The following SOX6 variants were observed in gnomAD, a reference collection of about 807,000 sequenced individuals.
SOX6 encodes SRY-box transcription factor 6, also known as transcription factor SOX-6.
A neutral mutation model predicts 97.8 loss-of-function variants in SOX6; 11 were observed. That is an observed-to-expected ratio of 0.11 (90% confidence interval 0.07 to 0.19). The LOEUF (loss-of-function observed/expected upper bound fraction) is 0.19. Among genes scored for constraint, SOX6 ranks in the 10% least tolerant of loss-of-function variants. The probability of loss-of-function intolerance (pLI) is 1.00; values close to 1 mark genes in which losing one functional copy is unlikely to be tolerated. For synonymous variants in SOX6, 360 were observed against 371.4 expected (o/e 0.97, Z 0.35); for missense variants, 810 against 1,039.5 (o/e 0.78, Z 3.04).
At chr11:15,983,632 A>G (rs1003418390) in intron 15 of SOX6, among the ~76,000 whole-genome samples, 1 of 152,092 alleles carries the variant, frequency 6.6e-6, no homozygotes, top group African/African-American at 2.4e-5. Flanking sequence ...ATCAACTACA[A>G]CTACTTAAAA....
chr11:16,527,771 A>G (rs766893745), intron 4 of SOX6, among the ~76,000 whole-genome samples: 85 of 152,234 alleles, frequency 5.6e-4, no homozygotes, highest in Admixed American at 1.3e-3. Flanking sequence ...CTGAAATGAC[A>G]TACAGAGAAA....
intron 4 of SOX6, among the ~76,000 whole-genome samples, chr11:16,499,786 A>G (rs187261978): frequency 6.6e-6 from 1 of 152,216 alleles, no homozygotes; most frequent in Non-Finnish European, 1.5e-5. Context: ...TGAATAGACC[A>G]ATAACAGGCT....
In SOX6 at chr11:16,278,712, C is replaced by T. The variant is rs1356670357; in HGVS notation, c.445+39734G>A. Among the ~76,000 whole-genome samples the T allele has an allele frequency of 4.0e-5, 6 of 151,834 alleles. No individual in the cohort carries two copies. In the East Asian group the frequency reaches 1.2e-3, roughly 29 times the overall value. On this transcript the variant is annotated intron_variant, in intron 3 of 15. Coordinates refer to ENST00000683767, the MANE Select transcript of SOX6 (RefSeq NM_001367873.1). ...AAATAATGTATTTTATCAACTTGAA[C>T]ATGGATGAAGAGAAAACCTACAGGT...
intron 13 of SOX6, among the ~76,000 whole-genome samples, 199 bp downstream of exon 13, chr11:16,014,743 A>G (rs1854830578): frequency 6.6e-6 from 1 of 152,072 alleles, no homozygotes; most frequent in Non-Finnish European, 1.5e-5. Context: ...TGTAAGATCT[A>G]ACTGCTTCTT....
At chr11:16,383,930 C>T (rs1857901691) in intron 1 of SOX6, among the ~76,000 whole-genome samples, 1 of 151,740 alleles carries the variant, frequency 6.6e-6, no homozygotes, top group Admixed American at 6.6e-5. Flanking sequence ...AATGCAGACA[C>T]AAGAACTCAA....
intron 3 of SOX6, among the ~76,000 whole-genome samples, chr11:16,260,284 G>A (rs1466554375): frequency 6.6e-6 from 1 of 152,156 alleles, no homozygotes. Context: ...ACAGGCGTGA[G>A]CCACTGTGCC....
chr11:16,309,423 G>C (rs1444799581), intron 3 of SOX6, among the ~76,000 whole-genome samples: 1 of 152,176 alleles, frequency 6.6e-6, no homozygotes, highest in Non-Finnish European at 1.5e-5. Context: ...AGAGGTTACA[G>C]TATGACATCA....
chr11:16,497,694 A>G (rs756443853), intron 4 of SOX6, among the ~76,000 whole-genome samples: 5 of 152,106 alleles, frequency 3.3e-5, no homozygotes, highest in Non-Finnish European at 5.9e-5. Flanking sequence ...AGCCGATTTG[A>G]TCAACTGGAA....
intron 1 of SOX6, among the ~76,000 whole-genome samples, chr11:16,445,521 A>C (rs1022083489): frequency 6.6e-6 from 1 of 152,080 alleles, no homozygotes; most frequent in Non-Finnish European, 1.5e-5. Context: ...GAAACATCTC[A>C]ATATATCTCA....
intron 12 of SOX6, among the ~76,000 whole-genome samples, chr11:16,035,203 G>A (rs904087813): frequency 3.3e-5 from 5 of 152,160 alleles, no homozygotes; most frequent in African/African-American, 1.2e-4. Flanking sequence ...GGACACATGG[G>A]CAGGGATAGG....
intron 4 of SOX6, among the ~76,000 whole-genome samples, chr11:16,500,510 G>A (rs1412868895): frequency 6.6e-6 from 1 of 152,124 alleles, no homozygotes; most frequent in Non-Finnish European, 1.5e-5. Flanking sequence ...AGGAAAAGAG[G>A]AAGTCAGATT....
intron 3 of SOX6, among the ~76,000 whole-genome samples, chr11:16,255,392 A>G (rs1425754299): frequency 6.6e-6 from 1 of 152,104 alleles, no homozygotes; most frequent in African/African-American, 2.4e-5. Flanking sequence ...AACAATTGAA[A>G]TAATATGTCT....
At chr11:16,135,748 G>A (rs1475617115) in intron 6 of SOX6, among the ~76,000 whole-genome samples, 1 of 152,168 alleles carries the variant, frequency 6.6e-6, no homozygotes, top group Non-Finnish European at 1.5e-5. Context: ...ACCACACAAG[G>A]TTTAGAATAT....
intron 3 of SOX6, among the ~76,000 whole-genome samples, chr11:16,701,776 G>T (rs1027164943): frequency 7.2e-5 from 10 of 139,610 alleles, no homozygotes; most frequent in Non-Finnish European, 1.6e-4. Flanking sequence ...AGGGGTTCGG[G>T]GGGGTGGGAG....
intron 4 of SOX6, among the ~76,000 whole-genome samples, chr11:16,195,301 C>T (rs1409228747): frequency 6.6e-6 from 1 of 152,166 alleles, no homozygotes; most frequent in African/African-American, 2.4e-5. Flanking sequence ...TTTGAATTCA[C>T]ATCTTCTGAT....
intron 7 of SOX6, 92 bp downstream of exon 7, chr11:16,111,711 C>A: frequency 6.7e-7 from 1 of 1,489,546 alleles, no homozygotes; most frequent in Middle Eastern, 2.3e-4. Flanking sequence ...ATTCATAGTT[C>A]CCTGGCATGC....
intron 4 of SOX6, among the ~76,000 whole-genome samples, chr11:16,539,683 C>T (rs1222286307): frequency 2.6e-5 from 4 of 152,178 alleles, no homozygotes; most frequent in African/African-American, 9.7e-5. Flanking sequence ...TCAGAGAATA[C>T]TATAAACACC....
intron 4 of SOX6, among the ~76,000 whole-genome samples, chr11:16,583,579 GTA>G (rs72420581): frequency 0.36 from 39,120 of 108,684 alleles, 7,769 homozygotes; most frequent in Non-Finnish European, 0.43. Context: ...ATTTCATTGT[GTA>G]TATATATATA....
At chr11:16,109,446 C>G (rs1849174256) in intron 7 of SOX6, among the ~76,000 whole-genome samples, 1 of 152,084 alleles carries the variant, frequency 6.6e-6, no homozygotes, top group Admixed American at 6.5e-5. Context: ...GTGATCCTCC[C>G]ACCCCTCAGC....
Sources: gnomAD v4.1 joint callset for allele counts (sites outside exome capture counted in the v4.1 genomes callset) on GRCh38, gnomAD v4.1.1 for gene constraint, MANE v1.5 for transcripts, NCBI Gene and HGNC (gene_info 2026-07-23, HGNC 2026-07-21) for gene names.